Variants in CADPS2 observed in about 807,000 individuals in gnomAD.
CADPS2 encodes calcium dependent secretion activator 2, also known as calcium-dependent secretion activator 2.
In CADPS2, 93 loss-of-function variants were observed where a neutral mutation model predicts 172.5. The observed-to-expected ratio is 0.54, with a 90% confidence interval of 0.46 to 0.64. The LOEUF is 0.64. Among genes scored for constraint, CADPS2 ranks in the 30% least tolerant of loss-of-function variants. CADPS2 has a pLI of 0.00. For missense variants in CADPS2, 1,420 were observed against 1,565.9 expected, an observed-to-expected ratio of 0.91 and a Z score of 1.57; for synonymous variants, 546 against 555.2, an observed-to-expected ratio of 0.98 and a Z score of 0.23.
chr7:122,368,106 T>A (rs1241714506), intron 25 of CADPS2: 1 of 152,520 alleles, frequency 6.6e-6, no homozygotes, highest in Non-Finnish European at 1.5e-5. Context: ...CTCGAACTCC[T>A]GACCTCAAGT....
chr7:122,321,839 T>C (rs73214170), intron 29 of CADPS2, among the ~76,000 whole-genome samples: 1,597 of 152,350 alleles, frequency 0.01, 19 homozygotes, highest in Non-Finnish European at 0.016. Context: ...TAAACATGAC[T>C]GGTATTTTAT....
intron 1 of CADPS2, among the ~76,000 whole-genome samples, chr7:122,778,989 T>C (rs902632033): frequency 1.3e-5 from 2 of 152,130 alleles, no homozygotes; most frequent in Non-Finnish European, 2.9e-5. Context: ...CATGCTCTTC[T>C]TGTGATAGTG....
At chr7:122,636,347 A>AC (rs1372865241) in intron 3 of CADPS2, among the ~76,000 whole-genome samples, 1 of 151,760 alleles carries the variant, frequency 6.6e-6, no homozygotes, top group African/African-American at 2.4e-5. Flanking sequence ...TTTCTCCTTC[A>AC]CTTAGGAAGC....
intron 4 of CADPS2, among the ~76,000 whole-genome samples, chr7:122,622,398 A>G (rs2075691629): frequency 6.6e-6 from 1 of 152,218 alleles, no homozygotes. Context: ...AACAATATCA[A>G]TTTGGAAGAT....
chr7:122,678,053 T>A lies in CADPS2; in HGVS notation c.454-14484A>T, dbSNP rs569047894. Among the ~76,000 whole-genome samples the A allele has an allele frequency of 6.6e-5, 10 of 152,344 alleles. No homozygotes were observed. The East Asian group carries it at 1.5e-3, about 23-fold the overall frequency. ...AACTGCATCTTTGAAATCTCTGTAG[T>A]GTCTAGTATCATTAGACACTCAAAT... On this transcript the variant is annotated intron_variant, in intron 2 of 29. Transcript: ENST00000449022.
At chr7:122,524,920 A>T (rs995251) in intron 8 of CADPS2, among the ~76,000 whole-genome samples, 18 of 152,182 alleles carry the variant, frequency 1.2e-4, no homozygotes, top group Admixed American at 6.5e-4. Flanking sequence ...AGGCTGAGGT[A>T]GGCGGATTGT....
intron 13 of CADPS2, among the ~76,000 whole-genome samples, chr7:122,474,109 A>T (rs2056323598): frequency 6.6e-6 from 1 of 152,134 alleles, no homozygotes; most frequent in Admixed American, 6.6e-5. Context: ...CTTTAAAGTG[A>T]CTGATACACC....
At chr7:122,844,244 A>G (rs1811360799) in intron 1 of CADPS2, among the ~76,000 whole-genome samples, 1 of 152,234 alleles carries the variant, frequency 6.6e-6, no homozygotes, top group Non-Finnish European at 1.5e-5. Flanking sequence ...TCCAGATGTA[A>G]CTAAGTTGGA....
chr7:122,482,637 G>A (rs900171483), intron 11 of CADPS2, among the ~76,000 whole-genome samples: 2 of 152,102 alleles, frequency 1.3e-5, no homozygotes, highest in African/African-American at 4.8e-5. Context: ...CCTGAGGGAC[G>A]GGAAACAAGG....
chr7:122,477,844 A>G (rs578133298), intron 12 of CADPS2, among the ~76,000 whole-genome samples: 2 of 152,270 alleles, frequency 1.3e-5, no homozygotes, highest in African/African-American at 4.8e-5. Context: ...GATTGTATGG[A>G]TTCTAGTTGT....
At chr7:122,720,433 C>CAT (rs139008096) in intron 2 of CADPS2, among the ~76,000 whole-genome samples, 3 of 149,860 alleles carry the variant, frequency 2.0e-5, no homozygotes, top group Admixed American at 6.7e-5. Context: ...TATATATATA[C>CAT]ATATATATGT....
chr7:122,437,767 T>C (rs2050819020), intron 17 of CADPS2, among the ~76,000 whole-genome samples: 1 of 151,478 alleles, frequency 6.6e-6, no homozygotes, highest in African/African-American at 2.4e-5. Flanking sequence ...TTTCTAAACA[T>C]TTAAAAAATT....
chr7:122,543,162 T>C (rs1217307082), intron 8 of CADPS2, among the ~76,000 whole-genome samples: 2 of 152,122 alleles, frequency 1.3e-5, no homozygotes, highest in Admixed American at 6.6e-5. Flanking sequence ...CCCTTATTTA[T>C]GGTATCTTTC....
At chr7:122,474,644 G>A in intron 12 of CADPS2, 127 bp from the exon 13 acceptor site, 2 of 859,512 alleles carry the variant, frequency 2.3e-6, no homozygotes, top group Non-Finnish European at 1.7e-6. Flanking sequence ...GAAATATGAT[G>A]CCAAGAGTTC....
intron 2 of CADPS2, among the ~76,000 whole-genome samples, chr7:122,694,576 T>C (rs1406055934): frequency 6.6e-6 from 1 of 152,084 alleles, no homozygotes; most frequent in South Asian, 2.1e-4. Context: ...GGTGTGGCTA[T>C]GAAAAGGGGA....
At chr7:122,605,535 T>C (rs2133612642) in intron 6 of CADPS2, among the ~76,000 whole-genome samples, 1 of 152,258 alleles carries the variant, frequency 6.6e-6, no homozygotes, top group African/African-American at 2.4e-5. Context: ...CTTTTTTCAT[T>C]GAACTCCTTA....
intron 8 of CADPS2, among the ~76,000 whole-genome samples, chr7:122,531,051 C>T (rs2061709241): frequency 6.6e-6 from 1 of 152,154 alleles, no homozygotes; most frequent in Non-Finnish European, 1.5e-5. Flanking sequence ...CACTGAGGTG[C>T]CATTTAAAGT....
intron 2 of CADPS2, among the ~76,000 whole-genome samples, chr7:122,714,984 A>G (rs992732259): frequency 2.0e-5 from 3 of 152,120 alleles, no homozygotes; most frequent in East Asian, 3.9e-4. Context: ...CCACAGGAAG[A>G]CATCTCCCCT....
chr7:122,714,210 A>G (rs1383754620), intron 2 of CADPS2, among the ~76,000 whole-genome samples: 3 of 152,120 alleles, frequency 2.0e-5, no homozygotes, highest in African/African-American at 7.2e-5. Context: ...TTATACTAAC[A>G]GATTACTCAG....
Sources: gnomAD v4.1 joint callset for allele counts (sites outside exome capture counted in the v4.1 genomes callset) on GRCh38, gnomAD v4.1.1 for gene constraint, MANE v1.5 for transcripts, NCBI Gene and HGNC (gene_info 2026-07-23, HGNC 2026-07-21) for gene names.